VPS52: variants seen among roughly 807,000 people sequenced by gnomAD.
VPS52 encodes VPS52 subunit of GARP complex, also known as vacuolar protein sorting-associated protein 52 homolog.
VPS52 carries 56 observed loss-of-function variants against 98.7 expected under a neutral mutation model. That is an observed-to-expected ratio of 0.57 (90% CI 0.46 to 0.71). The LOEUF (loss-of-function observed/expected upper bound fraction) is 0.71, where lower values mean the gene tolerates loss of function less well. Ranked by LOEUF, VPS52 falls within the 30% of genes least tolerant of loss-of-function variation. The probability of loss-of-function intolerance (pLI) is 0.00; values close to 1 mark genes in which losing one functional copy is unlikely to be tolerated. For synonymous variants in VPS52, 348 were observed against 346.4 expected, an observed-to-expected ratio of 1.00 and a Z score of -0.05; for missense variants, 742 against 925.9, an observed-to-expected ratio of 0.80 and a Z score of 2.58.
intron 17 of VPS52, among the ~76,000 whole-genome samples, chr6:33,261,248 C>CAAGACAGGAGACAG (rs1204357670): frequency 1.3e-5 from 2 of 151,736 alleles, no homozygotes; most frequent in Non-Finnish European, 2.9e-5. Context: ...GGGAGGATCA[C>CAAGACAGGAGACAG]TTGAAGTCAG....
chr6:33,266,827 C>T (rs981337657), intron 11 of VPS52, 115 bp from the exon 12 acceptor site: 8 of 1,340,234 alleles, frequency 6.0e-6, no homozygotes. Flanking sequence ...GCAGACCCTT[C>T]GCATCTATCT....
Position 33,268,685 on chromosome 6 carries a change from GAGACCCAGACATCCCTAAACC to G in VPS52, c.549-57_549-37del. The G allele has an allele frequency of 6.4e-7, 1 of 1,568,144 alleles. No homozygotes were observed. Among genetic ancestry groups the G allele is most frequent in the East Asian group, 2.2e-5 (1 of 44,508 alleles). On this transcript the variant is annotated intron_variant, in intron 6 of 19. Coordinates refer to ENST00000445902, the MANE Select transcript of VPS52 (RefSeq NM_022553.6). The surrounding 1 kb of genome is among the most constrained non-coding windows in gnomAD (Gnocchi z 4.0). ...GGGAGGGGTGGGATGAGTTACAAGGGAGACCCAGACATCCCTAAACCAGACCCAGACCACACTCCTTACCTC... is the reference window on the plus strand; with the variant it reads ...GGGAGGGGTGGGATGAGTTACAAGGGAGACCCAGACCACACTCCTTACCTC...
At position 33,269,194 on chromosome 6, in the gene VPS52, AG is replaced by A; in HGVS notation, c.373-6del. The A allele has an allele frequency of 6.2e-7, 1 of 1,613,026 alleles. No individual in the cohort carries two copies. Among genetic ancestry groups the A allele is most frequent in the Admixed American group, 1.7e-5 (1 of 60,016 alleles). On this transcript the variant is annotated splice_region_variant and splice_polypyrimidine_tract_variant and intron_variant, in intron 5 of 19. Transcript: ENST00000445902. Reference sequence around the variant, plus strand: ...TCCCAACATCTGCTCCATTCGCTGTAGGGAGGGTAGATGTTGCCGGAGTGCT... The same window carrying A: ...TCCCAACATCTGCTCCATTCGCTGTAGGAGGGTAGATGTTGCCGGAGTGCT...
chr6:33,252,006 T>C (rs1762316612), intron 17 of VPS52, 35 bp from the exon 18 acceptor site: 6 of 1,583,504 alleles, frequency 3.8e-6, no homozygotes, highest in Admixed American at 1.7e-5. Flanking sequence ...ACAGGTGTCC[T>C]GGTGTCAGCA....
intron 17 of VPS52, among the ~76,000 whole-genome samples, chr6:33,252,689 G>A (rs1484907462): frequency 1.3e-5 from 2 of 150,960 alleles, no homozygotes; most frequent in Non-Finnish European, 2.9e-5. Context: ...GATATGAAAA[G>A]CCAGTTTTAG....
intron 5 of VPS52, 87 bp downstream of exon 5, chr6:33,269,403 T>A (rs1764725035): frequency 6.4e-7 from 1 of 1,562,784 alleles, no homozygotes; most frequent in Non-Finnish European, 8.8e-7. Context: ...CCTGTCCCCA[T>A]CTTGAGGCTG....
At chr6:33,259,113 G>A (rs1364447077) in intron 17 of VPS52, among the ~76,000 whole-genome samples, 3 of 152,076 alleles carry the variant, frequency 2.0e-5, no homozygotes, top group African/African-American at 4.8e-5. Flanking sequence ...TTGCAATGGC[G>A]GCCCTGACCA....
chr6:33,270,733 G>A (rs1373740023), intron 1 of VPS52, among the ~76,000 whole-genome samples: 2 of 152,122 alleles, frequency 1.3e-5, no homozygotes, highest in Non-Finnish European at 2.9e-5. Flanking sequence ...GGAAGATCAC[G>A]AGGTCAGGAG....
At chr6:33,260,637 G>A (rs1326977539) in intron 17 of VPS52, among the ~76,000 whole-genome samples, 2 of 151,816 alleles carry the variant, frequency 1.3e-5, no homozygotes, top group African/African-American at 4.8e-5. Flanking sequence ...TTTTGTGTGT[G>A]TTCTTGCTTT....
At chr6:33,271,466 C>T in intron 1 of VPS52, 120 bp downstream of exon 1, 2 of 1,419,156 alleles carry the variant, frequency 1.4e-6, no homozygotes, top group Non-Finnish European at 1.9e-6. Context: ...GTACGGGGAG[C>T]CAAACAGGTA....
Position 33,267,864 on chromosome 6 carries a change from C to T in VPS52, c.933+1G>A, listed in dbSNP as rs768843521. 6.2e-7 allele frequency: 1 copy of T among 1,613,086 alleles called. No individual in the cohort carries two copies. The highest frequency in any genetic ancestry group is 8.5e-7 in the Non-Finnish European group (1 of 1,180,026). ...GGAATACCTCTCCCTCCTGACCTTA[C>T]CTGCACCTTCATGAGCCGCCCCAGG... On this transcript the variant is annotated splice_donor_variant, in intron 9 of 19. Coordinates refer to ENST00000445902, the MANE Select transcript of VPS52 (RefSeq NM_022553.6). LOFTEE classifies it high-confidence loss of function. This position sits in a 1 kb window ranked among gnomAD's most constrained non-coding sequence, Gnocchi z 4.2.
chr6:33,252,721 A>G (rs1762443181), intron 17 of VPS52, among the ~76,000 whole-genome samples: 1 of 152,184 alleles, frequency 6.6e-6, no homozygotes, highest in Non-Finnish European at 1.5e-5. Flanking sequence ...ATTAACAAGA[A>G]TTATACAATG....
chr6:33,271,746 C>A lies in VPS52; in HGVS notation c.-71G>T. 1 of 1,524,222 alleles carries A rather than the reference C, an allele frequency of 6.6e-7. No homozygotes were observed. Among genetic ancestry groups the A allele is most frequent in the South Asian group, 1.3e-5 (1 of 79,536 alleles). 94.4% of individuals were successfully genotyped at this position (1,524,222 alleles called of 1,614,324 possible). A position where few individuals can be genotyped will look rare whatever the true frequency, so the allele number is the denominator to read the frequency against. ...TTCCCCGGAGTGGAGCTACAAGTCC[C>A]AAAGGGTCTTCCTCAGCGCGAAATC... On this transcript the variant is annotated 5_prime_UTR_variant, in exon 1 of 20. Coordinates refer to ENST00000445902, the MANE Select transcript of VPS52 (RefSeq NM_022553.6).
intron 1 of VPS52, 165 bp downstream of exon 1, chr6:33,271,421 G>T (rs1264508145): frequency 2.0e-6 from 2 of 1,009,080 alleles, no homozygotes; most frequent in Non-Finnish European, 1.5e-6. Context: ...AGCCACTAGG[G>T]TCCCGCTCAG....
rs1357246692 is a variant in VPS52 at position 33,267,267 on chromosome 6, G to T, written c.1046C>A (p.Thr349Asn). The T allele has an allele frequency of 6.2e-7, 1 of 1,604,954 alleles. No individual in the cohort carries two copies. Among genetic ancestry groups the T allele is most frequent in the Non-Finnish European group, 8.5e-7 (1 of 1,176,304 alleles). Reference protein sequence around the residue: ...RSRNTIFTLGTRGSVISPTEL... With the variant: ...RSRNTIFTLGNRGSVISPTEL... ...AGTGGGGGAGATGACAGAGCCGCGG[G>T]TTCCTAGGGTGAAAATGGTGTTCCT... is the stretch of plus-strand genomic sequence containing the variant. Residue 349 changes from threonine (T) to asparagine (N), a missense_variant, in exon 11 of 20, where the codon ACC becomes AAC. Around this residue, in one of 2 missense-constraint regions of VPS52, gnomAD observed 590 missense variants for 793.3 expected, o/e 0.74. Coordinates refer to ENST00000445902, the MANE Select transcript of VPS52 (RefSeq NM_022553.6). The surrounding 1 kb of genome is among the most constrained non-coding windows in gnomAD (Gnocchi z 4.2).
intron 17 of VPS52, among the ~76,000 whole-genome samples, chr6:33,256,551 A>G (rs1763003823): frequency 1.3e-5 from 2 of 150,350 alleles, no homozygotes; most frequent in African/African-American, 2.4e-5. Context: ...TTTCAATATC[A>G]TAAAGTATCA....
chr6:33,262,040 CAAAAAAAAAA>C (rs9257102), intron 17 of VPS52, among the ~76,000 whole-genome samples: 4 of 15,378 alleles, frequency 2.6e-4, no homozygotes, highest in South Asian at 7.2e-3. Context: ...AACTCCATCT[CAAAAAAAAAA>C]AAAAAAAAAA....
chr6:33,255,795 A>T (rs1039040968), intron 17 of VPS52, among the ~76,000 whole-genome samples: 3 of 105,474 alleles, frequency 2.8e-5, no homozygotes, highest in East Asian at 2.6e-4. Flanking sequence ...GACTCTGTCT[A>T]AAAAAAAAAA....
At chr6:33,263,677 C>T in intron 16 of VPS52, 95 bp downstream of exon 16, 1 of 1,580,270 alleles carries the variant, frequency 6.3e-7, no homozygotes, top group Non-Finnish European at 8.7e-7. Flanking sequence ...AAACACTGAA[C>T]AAGACAGGCA....
Sources: allele counts gnomAD v4.1 joint callset (sites outside exome capture counted in the v4.1 genomes callset), GRCh38; gene constraint gnomAD v4.1.1; regional missense constraint gnomAD v4.1.1; non-coding constraint Gnocchi (gnomAD v3.1); transcripts MANE v1.5; gene names NCBI Gene and HGNC (gene_info 2026-07-23, HGNC 2026-07-21).